The following MIB1 variants were observed in gnomAD, a reference collection of about 807,000 sequenced individuals.
The protein encoded by MIB1 is MIB E3 ubiquitin protein ligase 1.
Under a neutral mutation model 124.5 loss-of-function variants are expected in MIB1, and 278 were observed. The ratio of observed to expected loss-of-function variants is 2.23; its 90% CI spans 2.02 to 2.47. The LOEUF is 2.47. Among genes scored for constraint, MIB1 ranks in the 30% most tolerant of loss-of-function variants. The pLI, the probability that MIB1 is intolerant of heterozygous loss-of-function variation, is 0.00. For missense variants in MIB1, 957 were observed against 1,254.4 expected (o/e 0.76, Z 3.58); for synonymous variants, 446 against 429.4 (o/e 1.04, Z -0.48).
At chr18:21,807,065 G>A (rs1000838351) in intron 10 of MIB1, among the ~76,000 whole-genome samples, 1 of 152,154 alleles carries the variant, frequency 6.6e-6, no homozygotes, top group African/African-American at 2.4e-5. Context: ...GTTTGTAGAA[G>A]TGTGAAAAGG....
intron 19 of MIB1, 57 bp from the exon 20 acceptor site, chr18:21,858,489 A>G (rs2042246650): frequency 1.3e-6 from 1 of 799,486 alleles, no homozygotes. Context: ...TTTATTTTAT[A>G]AATGTCATTC....
At chr18:21,719,538 CT>C (rs2040705011) in intron 1 of MIB1, among the ~76,000 whole-genome samples, 1 of 152,074 alleles carries the variant, frequency 6.6e-6, no homozygotes, top group Admixed American at 6.5e-5. Context: ...CCTCTGCCCC[CT>C]GGGTTCAAGT....
intron 1 of MIB1, among the ~76,000 whole-genome samples, chr18:21,721,188 TTTTTTTTTTTG>T (rs2040714126): frequency 1.6e-5 from 2 of 123,852 alleles, no homozygotes; most frequent in Non-Finnish European, 3.3e-5. Context: ...TTTTTTTTTT[TTTTTTTTTTTG>T]AGACAGAGTC....
chr18:21,817,082 A>G (rs1053417993), intron 11 of MIB1, among the ~76,000 whole-genome samples: 3 of 147,618 alleles, frequency 2.0e-5, no homozygotes, highest in Admixed American at 6.8e-5. Context: ...AACACTACAG[A>G]TTTTTAGTGC....
intron 1 of MIB1, among the ~76,000 whole-genome samples, chr18:21,750,123 C>T (rs1393021483): frequency 1.3e-5 from 2 of 151,866 alleles, no homozygotes; most frequent in South Asian, 2.1e-4. Flanking sequence ...ATTACTCCTG[C>T]CCATACTTCT....
intron 20 of MIB1, among the ~76,000 whole-genome samples, chr18:21,860,525 C>G (rs1452757368): frequency 6.6e-6 from 1 of 151,998 alleles, no homozygotes; most frequent in Non-Finnish European, 1.5e-5. Context: ...AGTAAGATAG[C>G]AAGTATTTTT....
At chr18:21,844,299 T>A (rs2042117191) in intron 15 of MIB1, 46 bp downstream of exon 15, 1 of 1,566,416 alleles carries the variant, frequency 6.4e-7, no homozygotes, top group African/African-American at 1.4e-5. Context: ...AAGAATCTTT[T>A]CATGCAAGAT....
At chr18:21,770,444 T>C (rs1483551868) in intron 3 of MIB1, among the ~76,000 whole-genome samples, 1 of 152,154 alleles carries the variant, frequency 6.6e-6, no homozygotes, top group Non-Finnish European at 1.5e-5. Flanking sequence ...ACTCCCCTGA[T>C]GTAACCCACG....
At chr18:21,832,747 A>G (rs537254762) in intron 12 of MIB1, among the ~76,000 whole-genome samples, 141 of 152,296 alleles carry the variant, frequency 9.3e-4, no homozygotes, top group African/African-American at 3.3e-3. Flanking sequence ...CATAAGGAAT[A>G]CTTCTTTAGA....
At chr18:21,823,417 GAAAGA>G (rs1023000352) in intron 12 of MIB1, among the ~76,000 whole-genome samples, 10 of 148,674 alleles carry the variant, frequency 6.7e-5, no homozygotes, top group East Asian at 2.0e-4. Context: ...AAAAAAAAAA[GAAAGA>G]AAAGAAAAGA....
intron 14 of MIB1, 140 bp downstream of exon 14, chr18:21,843,357 T>G (rs2042108620): frequency 1.8e-6 from 1 of 546,180 alleles, no homozygotes; most frequent in African/African-American, 2.0e-5. Flanking sequence ...AATATCTAAA[T>G]ACAATGTGAT....
chr18:21,776,777 C>T (rs532749778), intron 4 of MIB1, among the ~76,000 whole-genome samples: 82 of 151,576 alleles, frequency 5.4e-4, no homozygotes, highest in African/African-American at 1.8e-3. Flanking sequence ...TGAGGTCAGG[C>T]GTTCGAGACC....
At chr18:21,783,121 A>G (rs899974359) in intron 6 of MIB1, among the ~76,000 whole-genome samples, 2 of 152,050 alleles carry the variant, frequency 1.3e-5, no homozygotes, top group Non-Finnish European at 2.9e-5. Context: ...TGTGTGCAAT[A>G]TCTTTTTCCA....
upstream of MIB1, among the ~76,000 whole-genome samples, chr18:21,735,802 A>C (rs929433241): frequency 2.0e-5 from 3 of 152,248 alleles, no homozygotes; most frequent in African/African-American, 7.2e-5. Context: ...CAGCAATGAC[A>C]CTGCAGCCAG....
chr18:21,773,978 C>G (rs910095331), intron 4 of MIB1, among the ~76,000 whole-genome samples: 9 of 152,148 alleles, frequency 5.9e-5, no homozygotes, highest in African/African-American at 2.2e-4. Flanking sequence ...TTACGAAAAT[C>G]TATCAAAAAG....
intron 1 of MIB1, among the ~76,000 whole-genome samples, chr18:21,727,758 A>G (rs973888820): frequency 2.0e-5 from 3 of 151,988 alleles, no homozygotes; most frequent in Admixed American, 1.3e-4. Context: ...TGTCTCAAAA[A>G]ACAAATAGAG....
intron 1 of MIB1, among the ~76,000 whole-genome samples, chr18:21,764,039 C>T (rs998917968): frequency 6.6e-6 from 1 of 151,972 alleles, no homozygotes; most frequent in Non-Finnish European, 1.5e-5. Flanking sequence ...GAGGGCATGC[C>T]TGCAGTAGTA....
chr18:21,706,054 G>A (rs926439498), intron 1 of MIB1, among the ~76,000 whole-genome samples: 6 of 151,976 alleles, frequency 3.9e-5, no homozygotes, highest in South Asian at 2.1e-4. Context: ...AAATGCATGC[G>A]TATTTCAGTT....
At chr18:21,863,086 C>G (rs1381083457) in intron 20 of MIB1, among the ~76,000 whole-genome samples, 1 of 152,148 alleles carries the variant, frequency 6.6e-6, no homozygotes, top group South Asian at 2.1e-4. Context: ...GACAGAGGTG[C>G]GCTGCTTACT....
Sources: gnomAD v4.1 joint callset for allele counts (sites outside exome capture counted in the v4.1 genomes callset) on GRCh38, gnomAD v4.1.1 for gene constraint, MANE v1.5 for transcripts, NCBI Gene and HGNC (gene_info 2026-07-23, HGNC 2026-07-21) for gene names.